Variants in RPS6KA2 observed in about 807,000 individuals in gnomAD.
RPS6KA2 encodes the protein ribosomal protein S6 kinase A2.
A neutral mutation model predicts 91.8 loss-of-function variants in RPS6KA2; 42 were observed. The observed-to-expected ratio is 0.46, with a 90% CI of 0.36 to 0.59. RPS6KA2 has a LOEUF of 0.59. Ranked by LOEUF, RPS6KA2 falls within the 20% of genes least tolerant of loss-of-function variation. RPS6KA2 has a pLI of 0.00. For synonymous variants in RPS6KA2, 414 were observed against 393.6 expected, an observed-to-expected ratio of 1.05 and a Z score of -0.61; for missense variants, 798 against 978.5, an observed-to-expected ratio of 0.82 and a Z score of 2.46.
chr6:166,836,791 C>T (rs952768325), intron 2 of RPS6KA2, among the ~76,000 whole-genome samples: 1 of 152,188 alleles, frequency 6.6e-6, no homozygotes, highest in Non-Finnish European at 1.5e-5. Context: ...TAATCAAATA[C>T]TGGGTATGGT....
intron 2 of RPS6KA2, among the ~76,000 whole-genome samples, chr6:166,855,344 C>A (rs9364880): frequency 1.4e-4 from 20 of 147,942 alleles, no homozygotes; most frequent in Admixed American, 6.0e-4. Context: ...ACGAAGAAGA[C>A]GAAGAAGACA....
chr6:166,622,719 A>C (rs1450158259), intron 1 of RPS6KA2, among the ~76,000 whole-genome samples: 3 of 152,212 alleles, frequency 2.0e-5, no homozygotes, highest in Admixed American at 6.5e-5. Context: ...TGAGCAATTA[A>C]AATGTCTTTA....
intron 2 of RPS6KA2, among the ~76,000 whole-genome samples, chr6:166,827,588 A>G (rs1348033011): frequency 6.6e-6 from 1 of 152,254 alleles, no homozygotes; most frequent in Non-Finnish European, 1.5e-5. Flanking sequence ...GGTTGGCAAC[A>G]TCTAACACAC....
intron 2 of RPS6KA2, among the ~76,000 whole-genome samples, chr6:166,826,758 A>G (rs1780057971): frequency 6.6e-6 from 1 of 152,196 alleles, no homozygotes; most frequent in Admixed American, 6.5e-5. Flanking sequence ...ACATATATGA[A>G]ATTCAGTACT....
At chr6:166,589,191 C>T (rs927954705) in intron 1 of RPS6KA2, among the ~76,000 whole-genome samples, 2 of 152,230 alleles carry the variant, frequency 1.3e-5, no homozygotes, top group Non-Finnish European at 2.9e-5. Flanking sequence ...CCTCCTACCA[C>T]CAGCAAAAGC....
chr6:166,757,442 G>A (rs946443686), intron 2 of RPS6KA2: 1 of 450,452 alleles, frequency 2.2e-6, no homozygotes, highest in East Asian at 7.1e-5. Context: ...GGCCGCCCAA[G>A]CTCTGTCACA....
chr6:166,464,991 A>T (rs199713028), intron 11 of RPS6KA2, among the ~76,000 whole-genome samples: 2,090 of 151,068 alleles, frequency 0.014, 204 homozygotes, highest in Non-Finnish European at 0.022. Context: ...TTTACTTAAA[A>T]AAATAAATAA....
chr6:166,524,213 C>T (rs560547466), intron 3 of RPS6KA2, among the ~76,000 whole-genome samples: 10 of 152,260 alleles, frequency 6.6e-5, no homozygotes, highest in African/African-American at 2.4e-4. Flanking sequence ...CAGCTTATTT[C>T]CTTCCAGGAA....
Position 166,661,447 on chromosome 6 carries a change from G to A in RPS6KA2, c.124-122663C>T, listed in dbSNP as rs1339401496. Among the ~76,000 whole-genome samples, 7 of 152,152 alleles carry A rather than the reference G, an allele frequency of 4.6e-5. No individual in the cohort carries two copies. In the South Asian group the frequency reaches 8.3e-4, roughly 18 times the overall value. ...TTGCATTTATTTGATTAGTAGTCAT[G>A]TTTAAAATATTTGATGGCTGTTTGT... On this transcript the variant is annotated intron_variant, in intron 2 of 21. Coordinates refer to the RPS6KA2 transcript ENST00000503859.
At chr6:166,739,021 T>C (rs374548037) in intron 2 of RPS6KA2, among the ~76,000 whole-genome samples, 95 of 152,294 alleles carry the variant, frequency 6.2e-4, no homozygotes, top group African/African-American at 2.1e-3. Context: ...ATGCTAGCAA[T>C]ATTGCTTCAC....
At chr6:166,415,968 T>TCACCATCTC (rs1288764278) in intron 19 of RPS6KA2, among the ~76,000 whole-genome samples, 2 of 105,614 alleles carry the variant, frequency 1.9e-5, no homozygotes, top group African/African-American at 7.4e-5. Flanking sequence ...ACCATCATCT[T>TCACCATCTC]CACCATCTCC....
chr6:166,802,763 A>G (rs1178093501), intron 2 of RPS6KA2, among the ~76,000 whole-genome samples: 1 of 152,220 alleles, frequency 6.6e-6, no homozygotes, highest in African/African-American at 2.4e-5. Flanking sequence ...AAGTTTAGCC[A>G]GTGGTTGAAC....
At chr6:166,656,479 A>G (rs1168249166) in intron 2 of RPS6KA2, among the ~76,000 whole-genome samples, 3 of 152,314 alleles carry the variant, frequency 2.0e-5, no homozygotes, top group African/African-American at 7.2e-5. Flanking sequence ...ACACAGGGGC[A>G]TCTCCCCACA....
At chr6:166,747,325 G>A (rs1367840661) in intron 2 of RPS6KA2, among the ~76,000 whole-genome samples, 1 of 152,184 alleles carries the variant, frequency 6.6e-6, no homozygotes, top group Non-Finnish European at 1.5e-5. Flanking sequence ...CAGGAAATGG[G>A]AAGAAAGAGC....
intron 2 of RPS6KA2, among the ~76,000 whole-genome samples, chr6:166,744,030 C>G (rs535007974): frequency 2.0e-5 from 3 of 152,264 alleles, no homozygotes; most frequent in African/African-American, 7.2e-5. Flanking sequence ...AGTGCTGGGG[C>G]CCTGAGCCAT....
In RPS6KA2 at chr6:166,508,517, T is replaced by C. The variant is rs1353070679; in HGVS notation, c.380-235A>G. 1.3e-5 allele frequency among the ~76,000 whole-genome samples: 2 copies of C among 152,126 alleles called. No individual in the cohort carries two copies. The highest frequency in any genetic ancestry group is 2.9e-5 in the Non-Finnish European group (2 of 68,020). On this transcript the variant is annotated intron_variant, in intron 4 of 20. Coordinates refer to ENST00000265678, the MANE Select transcript of RPS6KA2 (RefSeq NM_021135.6). This position sits in a 1 kb window ranked among gnomAD's most constrained non-coding sequence, Gnocchi z 4.3. ...TTAGGGGGCCTTGAGATTTCTTTCATCTTTCTTTCCTCTCCCCTCCCTCCC... is the reference window on the plus strand; with the variant it reads ...TTAGGGGGCCTTGAGATTTCTTTCACCTTTCTTTCCTCTCCCCTCCCTCCC...
intron 2 of RPS6KA2, among the ~76,000 whole-genome samples, chr6:166,536,099 T>A (rs912186715): frequency 6.6e-6 from 1 of 152,240 alleles, no homozygotes; most frequent in Non-Finnish European, 1.5e-5. Context: ...ATGTCATCCA[T>A]TTCTGCATCT....
intron 2 of RPS6KA2, among the ~76,000 whole-genome samples, chr6:166,739,854 G>A (rs1194890013): frequency 2.0e-5 from 3 of 152,180 alleles, no homozygotes; most frequent in African/African-American, 4.8e-5. Flanking sequence ...GAGGGCAGTC[G>A]GGACAAGCCC....
At chr6:166,813,674 G>A (rs764572245) in intron 2 of RPS6KA2, among the ~76,000 whole-genome samples, 6 of 152,092 alleles carry the variant, frequency 3.9e-5, no homozygotes, top group South Asian at 2.1e-4. Flanking sequence ...GTATAGATGC[G>A]TCACTCCAGT....
Sources: allele counts gnomAD v4.1 joint callset (sites outside exome capture counted in the v4.1 genomes callset), GRCh38; gene constraint gnomAD v4.1.1; non-coding constraint Gnocchi (gnomAD v3.1); transcripts MANE v1.5; gene names NCBI Gene and HGNC (gene_info 2026-07-23, HGNC 2026-07-21).